The following MID1 variants were observed in gnomAD, a reference collection of about 807,000 sequenced individuals.
MID1 encodes the protein midline 1, also known as E3 ubiquitin-protein ligase Midline-1.
A neutral mutation model predicts 40.4 loss-of-function variants in MID1; 7 were observed. The observed-to-expected ratio is 0.17, with a 90% CI of 0.10 to 0.33. The LOEUF (loss-of-function observed/expected upper bound fraction) is 0.33. Ranked by LOEUF, MID1 falls within the 10% of genes least tolerant of loss-of-function variation. The pLI is 1.00. For synonymous variants in MID1, 229 were observed against 221.2 expected (o/e 1.04, Z -0.31); for missense variants, 367 against 558.5 (o/e 0.66, Z 3.46).
At chrX:10,657,456 C>A (rs1483660737) in intron 1 of MID1, among the ~76,000 whole-genome samples, 1 of 111,785 alleles carries the variant, frequency 8.9e-6, no homozygotes, top group African/African-American at 3.3e-5. Context: ...TGATGATGAT[C>A]AGAACCAGCC....
chrX:10,567,656 G>C, intron 1 of MID1, 53 bp from the exon 2 acceptor site: 1 of 875,193 alleles, frequency 1.1e-6, no homozygotes, highest in African/African-American at 2.0e-5. Flanking sequence ...AACCATAGGG[G>C]GGTGTCAGCT....
intron 3 of MID1, among the ~76,000 whole-genome samples, chrX:10,518,013 T>C (rs991506451): frequency 7.9e-4 from 88 of 111,919 alleles, no homozygotes; most frequent in African/African-American, 2.7e-3. Flanking sequence ...CAGTGGGTAC[T>C]CCAACCGCAC....
intron 3 of MID1, among the ~76,000 whole-genome samples, chrX:10,507,728 A>T (rs1441947612): frequency 1.8e-5 from 2 of 112,476 alleles, no homozygotes; most frequent in African/African-American, 6.5e-5. Context: ...CAATACTTTC[A>T]GATAACATGC....
chrX:10,515,240 G>A (rs748185236), intron 3 of MID1, among the ~76,000 whole-genome samples: 2 of 112,351 alleles, frequency 1.8e-5, no homozygotes, highest in African/African-American at 6.5e-5. Flanking sequence ...ACAAATGAAT[G>A]CTTTTAGGGC....
intron 1 of MID1, among the ~76,000 whole-genome samples, chrX:10,798,123 T>C (rs116286974): frequency 7.4e-4 from 83 of 112,241 alleles, no homozygotes; most frequent in African/African-American, 2.6e-3. Context: ...CCTTGCAAAC[T>C]GTGTCTGTGA....
At chrX:10,647,410 C>T (rs1003159347) in intron 1 of MID1, among the ~76,000 whole-genome samples, 1 of 111,733 alleles carries the variant, frequency 8.9e-6, no homozygotes, top group African/African-American at 3.2e-5. Flanking sequence ...CAAAATGAAA[C>T]ATATGAGGTT....
Position 10,636,785 on chromosome X carries a change from GATATATATAT to G in MID1, c.-186-16376_-186-16367del, listed in dbSNP as rs60188235. Among the ~76,000 whole-genome samples, 110 of 42,699 alleles carry G rather than the reference GATATATATAT, an allele frequency of 2.6e-3. 7 individuals are homozygous for G. Among genetic ancestry groups the G allele is most frequent in the African/African-American group, 4.6e-3 (38 of 8,301 alleles). 37.1% of individuals were successfully genotyped at this position (42,699 alleles called of 115,157 possible). ...CAAACTGGGCCATTCCAACAATGGGGATATATATATATATATATATATATATATATATACA... is the reference window on the plus strand; with the variant it reads ...CAAACTGGGCCATTCCAACAATGGGGATATATATATATATATATATATACA... On this transcript the variant is annotated intron_variant, in intron 1 of 10. Coordinates refer to the MID1 transcript ENST00000380785.
intron 7 of MID1, among the ~76,000 whole-genome samples, chrX:10,468,909 T>C (rs1302669213): frequency 1.8e-5 from 2 of 111,990 alleles, no homozygotes; most frequent in African/African-American, 3.2e-5. Flanking sequence ...TTTTAAAATA[T>C]GTGAAGTAAC....
chrX:10,821,619 A>C lies in MID1; in HGVS notation c.-187+11935T>G, dbSNP rs192958956. On this transcript the variant is annotated intron_variant, in intron 1 of 10. Transcript: ENST00000380785. ...CCTCCTTTCGTAAAGATACCTAAAG[A>C]ACAATATATTTTTAGCATCCACCAG... is the stretch of plus-strand genomic sequence containing the variant. Among the ~76,000 whole-genome samples, 3 of 112,331 alleles carry C rather than the reference A, an allele frequency of 2.7e-5. No individual in the cohort carries two copies. In the Admixed American group the frequency reaches 2.8e-4, roughly 11 times the overall value.
At chrX:10,741,155 TG>T (rs1166163276) in intron 1 of MID1, among the ~76,000 whole-genome samples, 1 of 112,210 alleles carries the variant, frequency 8.9e-6, no homozygotes, top group African/African-American at 3.2e-5. Flanking sequence ...GAGATAACCT[TG>T]GACTATTAAA....
intron 1 of MID1, among the ~76,000 whole-genome samples, chrX:10,669,963 A>G (rs756149157): frequency 1.6e-4 from 18 of 111,796 alleles, no homozygotes; most frequent in Non-Finnish European, 3.0e-4. Flanking sequence ...GTGGCTTTGA[A>G]TATCTGTCTT....
At chrX:10,508,030 G>C (rs1299150572) in intron 3 of MID1, among the ~76,000 whole-genome samples, 3 of 112,272 alleles carry the variant, frequency 2.7e-5, no homozygotes, top group Non-Finnish European at 5.6e-5. Flanking sequence ...CCATGAATGA[G>C]GAAGATGCTA....
At position 10,580,364 on chromosome X, in the gene MID1, A is replaced by G. The variant is rs1934981393; in HGVS notation, c.-56-12761T>C. ...GAAAAACAATTTTCTCTCCATTCAC[A>G]GCACACTCTAACTTACACTTTAAAT... is the stretch of plus-strand genomic sequence containing the variant. On this transcript the variant is annotated intron_variant, in intron 1 of 9. Transcript: ENST00000317552. 3.6e-5 allele frequency among the ~76,000 whole-genome samples: 4 copies of G among 111,597 alleles called. No homozygotes were observed. The Admixed American group carries it at 3.8e-4, about 11-fold the overall frequency.
rs1928099078 is a variant in MID1, at chrX:10,447,662, T to C, written c.*1706A>G. 1 of 111,274 alleles carries C rather than the reference T, an allele frequency of 9.0e-6. No homozygotes were observed. Among genetic ancestry groups the C allele is most frequent in the African/African-American group, 3.3e-5 (1 of 30,583 alleles). The allele number at this position is 111,274 out of a possible 1,213,427, so 9.2% of individuals were successfully genotyped here. A position where few individuals can be genotyped will look rare whatever the true frequency, so the allele number is the denominator to read the frequency against. On this transcript the variant is annotated 3_prime_UTR_variant, in exon 10 of 10. Transcript: ENST00000317552. The stretch of plus-strand genomic sequence containing the variant: ...ATCTGGGTATAAATAATATAGTAAA[T>C]ATATAGAATCTATCTGTTAAGAAAA...
intron 1 of MID1, among the ~76,000 whole-genome samples, chrX:10,829,307 TAAAACTC>T (rs2044237189): frequency 8.9e-6 from 1 of 111,993 alleles, no homozygotes; most frequent in African/African-American, 3.2e-5. Context: ...TGTCACGTGT[TAAAACTC>T]AAACTGTCAA....
chrX:10,684,566 C>T (rs778456228), intron 1 of MID1, among the ~76,000 whole-genome samples: 1 of 107,900 alleles, frequency 9.3e-6, no homozygotes, highest in East Asian at 2.9e-4. Flanking sequence ...ACCATGCCGG[C>T]TATTTTTTTT....
chrX:10,480,859 G>C (rs1390039328), intron 5 of MID1, among the ~76,000 whole-genome samples: 1 of 111,960 alleles, frequency 8.9e-6, no homozygotes, highest in Non-Finnish European at 1.9e-5. Context: ...GTAAAAACAC[G>C]ATACATTACT....
chrX:10,462,211 T>C (rs1392701410), intron 7 of MID1, among the ~76,000 whole-genome samples: 3 of 111,805 alleles, frequency 2.7e-5, no homozygotes, highest in Non-Finnish European at 5.6e-5. Flanking sequence ...TAACAAACAC[T>C]ATTACTGTTT....
intron 2 of MID1, among the ~76,000 whole-genome samples, chrX:10,560,983 T>A (rs1158408946): frequency 9.4e-6 from 1 of 106,651 alleles, no homozygotes; most frequent in African/African-American, 3.8e-5. Flanking sequence ...GAGGCTACAG[T>A]AACCAAAAAC....
Sources: gnomAD v4.1 joint callset for allele counts (sites outside exome capture counted in the v4.1 genomes callset) on GRCh38, gnomAD v4.1.1 for gene constraint, MANE v1.5 for transcripts, NCBI Gene and HGNC (gene_info 2026-07-23, HGNC 2026-07-21) for gene names.